PTPRK: variants seen among roughly 807,000 people sequenced by gnomAD.
The protein encoded by PTPRK is receptor-type tyrosine-protein phosphatase kappa.
Under a neutral mutation model 178.0 loss-of-function variants are expected in PTPRK, and 75 were observed. The observed-to-expected ratio is 0.42, with a 90% confidence interval of 0.35 to 0.51. The LOEUF is 0.51. Ranked by LOEUF, PTPRK falls within the 20% of genes least tolerant of loss-of-function variation. The pLI is 0.02. For synonymous variants in PTPRK, 637 were observed against 620.6 expected, an observed-to-expected ratio of 1.03 and a Z score of -0.39; for missense variants, 1,441 against 1,797.8, an observed-to-expected ratio of 0.80 and a Z score of 3.59.
rs558661365 is a variant in PTPRK, at chr6:128,023,286, T to C, written c.2195-14018A>G. 2.6e-5 allele frequency among the ~76,000 whole-genome samples: 4 copies of C among 152,310 alleles called. No individual in the cohort carries two copies. The South Asian group carries it at 8.3e-4, about 32-fold the overall frequency. ...TGAAATTAGAAACTTCAAGCTGAAG[T>C]TACAAGAATCAGGTGAAATGACAGA... On this transcript the variant is annotated intron_variant, in intron 13 of 29. Coordinates refer to ENST00000368226, the MANE Select transcript of PTPRK (RefSeq NM_002844.4).
intron 6 of PTPRK, 52 bp from the exon 7 acceptor site, chr6:128,184,777 G>T (rs1562747140): frequency 1.3e-6 from 2 of 1,525,626 alleles, no homozygotes; most frequent in Non-Finnish European, 1.8e-6. Context: ...ATAATACAAA[G>T]ATATATTAGT....
At chr6:128,310,105 A>AAGTTAGTTAT (rs1288675813) in intron 3 of PTPRK, among the ~76,000 whole-genome samples, 3 of 152,234 alleles carry the variant, frequency 2.0e-5, no homozygotes, top group African/African-American at 7.2e-5. Flanking sequence ...ATGCTTTATT[A>AAGTTAGTTAT]AGTTAGTTAT....
At chr6:128,002,324 T>C (rs910027415) in intron 15 of PTPRK, among the ~76,000 whole-genome samples, 2 of 151,662 alleles carry the variant, frequency 1.3e-5, no homozygotes, top group African/African-American at 4.8e-5. Flanking sequence ...AAACATGACA[T>C]TTGGGAATTT....
intron 1 of PTPRK, among the ~76,000 whole-genome samples, chr6:128,493,423 A>G (rs112330680): frequency 0.15 from 22,250 of 151,778 alleles, 1,756 homozygotes; most frequent in Admixed American, 0.22. Context: ...TTAGCTGGGC[A>G]TGGTGGCAGG....
Position 128,378,740 on chromosome 6 carries a change from T to C in PTPRK, c.223+18826A>G, listed in dbSNP as rs535811964. On this transcript the variant is annotated intron_variant, in intron 2 of 29. Coordinates refer to ENST00000368226, the MANE Select transcript of PTPRK (RefSeq NM_002844.4). Reference sequence around the variant, plus strand: ...TGCCATATAACTGAAAATATATACGTATCTCACTTTTGGAGAAATTTTACA... The same window carrying C: ...TGCCATATAACTGAAAATATATACGCATCTCACTTTTGGAGAAATTTTACA... 1.1e-4 allele frequency among the ~76,000 whole-genome samples: 17 copies of C among 152,238 alleles called. No homozygotes were observed. In the South Asian group the frequency reaches 3.3e-3, roughly 30 times the overall value.
chr6:128,304,048 T>C (rs1349870805), intron 3 of PTPRK, among the ~76,000 whole-genome samples: 1 of 152,182 alleles, frequency 6.6e-6, no homozygotes, highest in East Asian at 1.9e-4. Context: ...TTTTGGAGCA[T>C]TAACATTATT....
rs141553244 is a variant in PTPRK at position 128,474,344 on chromosome 6, A to G, written c.100+45915T>C. On this transcript the variant is annotated intron_variant, in intron 1 of 29. Transcript: ENST00000368226. ...CAGAAACTGACTTAAGACATTCACA[A>G]AAGTTTGAACTGTGTCCTAGAAAAC... is the stretch of plus-strand genomic sequence containing the variant. Among the ~76,000 whole-genome samples, 170 of 152,134 alleles carry G rather than the reference A, an allele frequency of 1.1e-3. 1 individual carries two copies. The highest frequency in any genetic ancestry group is 3.7e-3 in the African/African-American group (152 of 41,542).
chr6:128,470,847 GA>G (rs1179582829), intron 1 of PTPRK, among the ~76,000 whole-genome samples: 2 of 136,420 alleles, frequency 1.5e-5, no homozygotes, highest in Non-Finnish European at 1.6e-5. Flanking sequence ...AAAAAGAAAG[GA>G]AAAAAAAGAA....
At chr6:128,277,705 A>G (rs1820952011) in intron 3 of PTPRK, among the ~76,000 whole-genome samples, 1 of 152,196 alleles carries the variant, frequency 6.6e-6, no homozygotes. Context: ...TTTTAACATG[A>G]TTTATGAATC....
chr6:128,307,461 T>TAA (rs540521960), intron 3 of PTPRK, among the ~76,000 whole-genome samples: 2 of 123,082 alleles, frequency 1.6e-5, no homozygotes, highest in Middle Eastern at 3.9e-3. Flanking sequence ...ATTTGTAAAG[T>TAA]AAAAAAAAAA....
intron 1 of PTPRK, among the ~76,000 whole-genome samples, chr6:128,510,240 C>T (rs1856972270): frequency 6.6e-6 from 1 of 152,188 alleles, no homozygotes; most frequent in African/African-American, 2.4e-5. Context: ...TGGAGACTAT[C>T]CCCTGGCCTC....
At chr6:128,006,147 G>A (rs1424989311) in intron 14 of PTPRK, 12 of 812,078 alleles carry the variant, frequency 1.5e-5, no homozygotes, top group Admixed American at 6.9e-5. Context: ...AAAAATGTGC[G>A]TTAAAAAATA....
chr6:128,273,121 G>T (rs1820138537), intron 3 of PTPRK, among the ~76,000 whole-genome samples: 1 of 152,068 alleles, frequency 6.6e-6, no homozygotes, highest in Non-Finnish European at 1.5e-5. Context: ...ACCAAACACT[G>T]CATGTTCTCA....
At chr6:128,356,825 T>C (rs1834027936) in intron 2 of PTPRK, among the ~76,000 whole-genome samples, 2 of 152,364 alleles carry the variant, frequency 1.3e-5, no homozygotes, top group Admixed American at 1.3e-4. Context: ...TCATTCTATG[T>C]CACTCAGACA....
At chr6:128,154,651 C>G (rs956061827) in intron 7 of PTPRK, among the ~76,000 whole-genome samples, 1 of 150,760 alleles carries the variant, frequency 6.6e-6, no homozygotes, top group Non-Finnish European at 1.5e-5. Context: ...TAATGGCTCG[C>G]CTAAGGAATT....
intron 13 of PTPRK, among the ~76,000 whole-genome samples, chr6:128,054,151 T>A (rs534705103): frequency 1.3e-5 from 2 of 152,344 alleles, no homozygotes; most frequent in East Asian, 3.9e-4. Context: ...TGCATTGATA[T>A]GAATGAGACA....
chr6:128,048,748 A>T (rs954966827), intron 13 of PTPRK, among the ~76,000 whole-genome samples: 1 of 152,184 alleles, frequency 6.6e-6, no homozygotes, highest in African/African-American at 2.4e-5. Context: ...AAGGATGTAC[A>T]TAGGTTACAG....
chr6:128,140,583 T>A (rs993835687), intron 7 of PTPRK, among the ~76,000 whole-genome samples: 3 of 151,760 alleles, frequency 2.0e-5, no homozygotes, highest in East Asian at 1.9e-4. Flanking sequence ...TATAGAAAAA[T>A]TTTTTTTCAA....
At chr6:128,177,220 T>G (rs866628307) in intron 7 of PTPRK, among the ~76,000 whole-genome samples, 4 of 151,744 alleles carry the variant, frequency 2.6e-5, no homozygotes, top group African/African-American at 9.7e-5. Flanking sequence ...AAATTCTATC[T>G]AGGTCATTTT....
Sources: gnomAD v4.1 joint callset for allele counts (sites outside exome capture counted in the v4.1 genomes callset) on GRCh38, gnomAD v4.1.1 for gene constraint, MANE v1.5 for transcripts, NCBI Gene and HGNC (gene_info 2026-07-23, HGNC 2026-07-21) for gene names.